Variants in EXD3 observed in about 807,000 individuals in gnomAD.
The protein encoded by EXD3 is exonuclease 3'-5' domain containing 3, also known as exonuclease mut-7 homolog.
EXD3 carries 92 observed loss-of-function variants against 98.0 expected under a neutral mutation model. The ratio of observed to expected loss-of-function variants is 0.94; its 90% CI spans 0.79 to 1.12. The LOEUF is 1.12. Ranked by LOEUF, EXD3 falls within the 50% of genes most tolerant of loss-of-function variation. EXD3 has a pLI of 0.00. For synonymous variants in EXD3, 569 were observed against 526.0 expected (o/e 1.08, Z -1.12); for missense variants, 1,222 against 1,191.6 (o/e 1.03, Z -0.38).
rs139053873 is a variant in EXD3 at position 137,396,777 on chromosome 9, G to C, written c.-47-1373C>G. On this transcript the variant is annotated intron_variant, in intron 1 of 21. Transcript: ENST00000340951. ...CTCACGCAGGCTGCTCCAGACTCCTGCTCCACCGTCGGGGAGGGACTGTGG... is the reference window on the plus strand; with the variant it reads ...CTCACGCAGGCTGCTCCAGACTCCTCCTCCACCGTCGGGGAGGGACTGTGG... Among the ~76,000 whole-genome samples, 287 of 152,344 alleles carry C rather than the reference G, an allele frequency of 1.9e-3. 2 individuals are homozygous for C. Among genetic ancestry groups the C allele is most frequent in the African/African-American group, 6.7e-3 (278 of 41,580 alleles).
At chr9:137,335,255 A>G (rs1833294897) in intron 17 of EXD3, among the ~76,000 whole-genome samples, 1 of 152,192 alleles carries the variant, frequency 6.6e-6, no homozygotes, top group Admixed American at 6.6e-5. Context: ...ACATGCATAG[A>G]CATTTCTCAA....
chr9:137,365,830 A>G (rs377536864), intron 7 of EXD3: 234 of 353,468 alleles, frequency 6.6e-4, no homozygotes, highest in African/African-American at 4.0e-3. Flanking sequence ...GCACGCAGAC[A>G]TACACACCTG....
At chr9:137,311,160 G>A (rs1831337640) in intron 19 of EXD3, among the ~76,000 whole-genome samples, 1 of 152,234 alleles carries the variant, frequency 6.6e-6, no homozygotes, top group Non-Finnish European at 1.5e-5. Context: ...TAGGACGCCA[G>A]GCTGGGCTAG....
At chr9:137,416,309 G>A (rs889961348) in intron 1 of EXD3, among the ~76,000 whole-genome samples, 8 of 152,242 alleles carry the variant, frequency 5.3e-5, no homozygotes, top group Non-Finnish European at 7.3e-5. Context: ...GGGACCCACA[G>A]GGACAAAGGG....
At position 137,373,539 on chromosome 9, in the gene EXD3, C is replaced by T. The variant is rs752788688; in HGVS notation, c.181G>A (p.Asp61Asn). 41 of 1,603,592 alleles carry T rather than the reference C, an allele frequency of 2.6e-5. No homozygotes were observed. The Middle Eastern group carries it at 4.9e-4, about 19-fold the overall frequency. ...TGGCCCCGGCAGCTCTCCAGCATGT[C>T]CAGAAGCCCGGCCAGGGGGTCGTCC... ...ALDDPLAGLLDMLESCRGQRG... is the reference protein window; with the variant it reads ...ALDDPLAGLLNMLESCRGQRG... Residue 61 changes from aspartate to asparagine, a missense_variant, in exon 4 of 22, where the codon GAC (aspartate) becomes AAC (asparagine). Transcript: ENST00000340951.
chr9:137,354,737 G>A lies in EXD3; in HGVS notation c.794C>T (p.Ala265Val), dbSNP rs200292682. The change falls in exon 9 of 22, where the codon GCG (alanine) becomes GTG (valine). Residue 265 changes from alanine (A) to valine (V), a missense_variant. Physicochemically the swap from Ala to Val is moderately conservative, Grantham distance 64 (BLOSUM62 0). Transcript: ENST00000340951. ...CPNAAIQQRL[A>V]ALRHLCHKRF... ...CTTGTGGCACAGGTGCCGCAGGGCCGCCAGGCGCTGCTGAATGGCCGCGTT... is the reference window on the plus strand; with the variant it reads ...CTTGTGGCACAGGTGCCGCAGGGCCACCAGGCGCTGCTGAATGGCCGCGTT... 1.1e-4 allele frequency: 181 copies of A among 1,610,690 alleles called. No individual in the cohort carries two copies. Among genetic ancestry groups the A allele is most frequent in the East Asian group, 5.1e-4 (23 of 44,864 alleles).
In EXD3 at chr9:137,366,006, A is replaced by T. The variant is rs948121699; in HGVS notation, c.656+487T>A. On this transcript the variant is annotated intron_variant, in intron 7 of 21. Transcript: ENST00000340951. ...CACACATGCACACCTGCAGGCACACATGCACATGGGCACACACATACATGC... is the reference window on the plus strand; with the variant it reads ...CACACATGCACACCTGCAGGCACACTTGCACATGGGCACACACATACATGC... The T allele has an allele frequency of 6.7e-6, 4 of 598,738 alleles. No individual in the cohort carries two copies. The East Asian group carries it at 1.4e-4, about 21-fold the overall frequency. 37.1% of individuals were successfully genotyped at this position (598,738 alleles called of 1,614,324 possible).
chr9:137,401,892 T>G (rs1564211271), intron 1 of EXD3, among the ~76,000 whole-genome samples: 2 of 152,260 alleles, frequency 1.3e-5, no homozygotes. Flanking sequence ...TTAGCCTCCT[T>G]GCTACTTATG....
chr9:137,381,591 A>ACCCG (rs1442921530), intron 3 of EXD3, among the ~76,000 whole-genome samples: 1 of 151,046 alleles, frequency 6.6e-6, no homozygotes, highest in Non-Finnish European at 1.5e-5. Context: ...GGCTGCTCTC[A>ACCCG]CCCGCCCGGT....
chr9:137,359,680 T>C lies in EXD3; in HGVS notation c.657-3312A>G, dbSNP rs1457157421. 2.3e-5 allele frequency among the ~76,000 whole-genome samples: 2 copies of C among 86,056 alleles called. 1 individual carries two copies. The highest frequency in any genetic ancestry group is 6.5e-5 in the African/African-American group (2 of 30,994). 56.5% of individuals were successfully genotyped at this position (86,056 alleles called of 152,430 possible). A position where few individuals can be genotyped will look rare whatever the true frequency, so the allele number is the denominator to read the frequency against. Reference sequence around the variant, plus strand: ...TTTGAACTTGATGCAAATGGAATGATAGAATAGGGACACTTTGCCACTTTT... The same window carrying C: ...TTTGAACTTGATGCAAATGGAATGACAGAATAGGGACACTTTGCCACTTTT... On this transcript the variant is annotated intron_variant, in intron 7 of 21. Transcript: ENST00000340951.
intron 17 of EXD3, among the ~76,000 whole-genome samples, chr9:137,330,962 G>A (rs1049384664): frequency 2.6e-5 from 4 of 152,100 alleles, no homozygotes; most frequent in Non-Finnish European, 5.9e-5. Context: ...AGACAGCATC[G>A]TGTTAACATT....
At chr9:137,357,596 A>G (rs2119266011) in intron 7 of EXD3, among the ~76,000 whole-genome samples, 1 of 151,986 alleles carries the variant, frequency 6.6e-6, no homozygotes, top group African/African-American at 2.4e-5. Context: ...TCACAGACGC[A>G]GTATCTTAGT....
chr9:137,366,271 C>T, intron 7 of EXD3: 5 of 721,222 alleles, frequency 6.9e-6, no homozygotes, highest in Non-Finnish European at 1.2e-5. Context: ...GAGCAGTTAA[C>T]TCTTTTCACT....
chr9:137,323,874 G>A lies in EXD3; in HGVS notation c.2053-18C>T, dbSNP rs750516236. On this transcript the variant is annotated intron_variant, in intron 18 of 21. Transcript: ENST00000340951. ...GCCCGGAGCTGCAAAGACACGGCTCGGCTACTGAGGGGCAGTGCAGAGCCC... is the reference window on the plus strand; with the variant it reads ...GCCCGGAGCTGCAAAGACACGGCTCAGCTACTGAGGGGCAGTGCAGAGCCC... 1.8e-5 allele frequency: 29 copies of A among 1,598,116 alleles called. No individual in the cohort carries two copies. Among genetic ancestry groups the A allele is most frequent in the East Asian group, 9.1e-5 (4 of 44,174 alleles).
intron 17 of EXD3, among the ~76,000 whole-genome samples, chr9:137,344,671 T>A (rs531090624): frequency 6.6e-6 from 1 of 152,224 alleles, no homozygotes; most frequent in Admixed American, 6.5e-5. Flanking sequence ...GATGAGAGTT[T>A]CCCAAATCAT....
At chr9:137,327,476 G>C (rs1427646943) in intron 17 of EXD3, among the ~76,000 whole-genome samples, 1 of 152,094 alleles carries the variant, frequency 6.6e-6, no homozygotes, top group Non-Finnish European at 1.5e-5. Context: ...GAAAGGGGTG[G>C]TGGTGATGGA....
chr9:137,345,671 A>AAAAAAAAAAAAAAAAAAAAAAAAG (rs1554807528), intron 17 of EXD3: 1 of 151,036 alleles, frequency 6.6e-6, no homozygotes, highest in Admixed American at 6.6e-5. Context: ...CAAAAAAAAA[A>AAAAAAAAAAAAAAAAAAAAAAAAG]AAAAGGAAAG....
At chr9:137,332,660 A>G (rs28810144) in intron 17 of EXD3, among the ~76,000 whole-genome samples, 21,854 of 151,744 alleles carry the variant, frequency 0.14, 1,990 homozygotes, top group Admixed American at 0.28. Flanking sequence ...TGGCTAAAAC[A>G]GTGAAACCCC....
chr9:137,384,238 C>T (rs1227588405), intron 2 of EXD3, among the ~76,000 whole-genome samples: 1 of 152,226 alleles, frequency 6.6e-6, no homozygotes, highest in Non-Finnish European at 1.5e-5. Context: ...CACATGAGAT[C>T]AGATCAGACC....
Sources: allele counts gnomAD v4.1 joint callset (sites outside exome capture counted in the v4.1 genomes callset), GRCh38; gene constraint gnomAD v4.1.1; transcripts MANE v1.5; gene names NCBI Gene and HGNC (gene_info 2026-07-23, HGNC 2026-07-21).